SVIL: variants seen among roughly 807,000 people sequenced by gnomAD.
SVIL encodes archvillin.
A neutral mutation model predicts 240.4 loss-of-function variants in SVIL; 101 were observed. The ratio of observed to expected loss-of-function variants is 0.42; its 90% CI spans 0.36 to 0.50. The LOEUF (loss-of-function observed/expected upper bound fraction) is 0.50. Among genes scored for constraint, SVIL ranks in the 20% least tolerant of loss-of-function variants. SVIL has a pLI of 0.01. For missense variants in SVIL, 2,512 were observed against 2,818.7 expected, an observed-to-expected ratio of 0.89 and a Z score of 2.46; for synonymous variants, 999 against 1,100.0, an observed-to-expected ratio of 0.91 and a Z score of 1.82.
At chr10:29,491,632 T>C (rs532757882) in intron 21 of SVIL, among the ~76,000 whole-genome samples, 9 of 152,220 alleles carry the variant, frequency 5.9e-5, no homozygotes, top group East Asian at 5.8e-4. Context: ...ATTCTCACAA[T>C]TCTTTGGGGT....
At chr10:29,472,789 G>C (rs900929879) in intron 30 of SVIL, among the ~76,000 whole-genome samples, 4 of 152,180 alleles carry the variant, frequency 2.6e-5, no homozygotes, top group African/African-American at 9.7e-5. Context: ...AAGGCCATGG[G>C]GTTGTAAGGC....
chr10:29,662,232 C>T (rs1019391365), intron 2 of SVIL, among the ~76,000 whole-genome samples: 1 of 152,296 alleles, frequency 6.6e-6, no homozygotes, highest in Middle Eastern at 3.4e-3. Context: ...ACAAATCTTT[C>T]AGGATTCAGC....
intron 1 of SVIL, among the ~76,000 whole-genome samples, chr10:29,617,058 T>C (rs1465158702): frequency 6.6e-6 from 1 of 151,984 alleles, no homozygotes; most frequent in East Asian, 1.9e-4. Flanking sequence ...TGGAGATGAG[T>C]CTGCACAAAC....
At chr10:29,463,383 A>T in intron 35 of SVIL, 109 bp downstream of exon 35, 10 of 1,381,226 alleles carry the variant, frequency 7.2e-6, no homozygotes, top group Non-Finnish European at 8.6e-6. Flanking sequence ...GGCTTTATGG[A>T]TGGATGCTGG....
intron 1 of SVIL, among the ~76,000 whole-genome samples, chr10:29,584,389 A>G (rs1443008423): frequency 6.6e-6 from 1 of 152,214 alleles, no homozygotes; most frequent in Non-Finnish European, 1.5e-5. Flanking sequence ...CTTATCTATG[A>G]GGAACATCTG....
intron 1 of SVIL, among the ~76,000 whole-genome samples, chr10:29,718,688 CTTT>C (rs1000471784): frequency 2.6e-5 from 4 of 152,236 alleles, no homozygotes; most frequent in African/African-American, 9.6e-5. Flanking sequence ...AGAGATTTAT[CTTT>C]GAGTAGTCAG....
chr10:29,541,555 T>C (rs879427454), intron 6 of SVIL, among the ~76,000 whole-genome samples: 3 of 152,190 alleles, frequency 2.0e-5, no homozygotes, highest in Non-Finnish European at 4.4e-5. Context: ...GATAACCAAT[T>C]TCTTCCAGTC....
At chr10:29,496,545 C>T (rs1359402782) in intron 18 of SVIL, 2 of 374,960 alleles carry the variant, frequency 5.3e-6, no homozygotes, top group African/African-American at 2.1e-5. Flanking sequence ...GCCGGGCAAA[C>T]CCCGCTGCCA....
chr10:29,501,342 G>A (rs1948877702), intron 17 of SVIL, among the ~76,000 whole-genome samples: 1 of 151,128 alleles, frequency 6.6e-6, no homozygotes. Context: ...TTTGACTTTA[G>A]GAAATAAAGT....
chr10:29,551,246 C>T lies in SVIL; in HGVS notation c.178G>A (p.Glu60Lys), dbSNP rs1953302183. ...SPHIGRSNEEEETSDSSLEKQ... is the reference protein window; with the variant it reads ...SPHIGRSNEEKETSDSSLEKQ... ...TCTAGAGAAGAATCAGAAGTTTCCT[C>T]CTCTTCATTTGATCGGCCTACAAGA... The change falls in exon 6 of 38, where the codon GAG becomes AAG. Residue 60 changes from glutamate (E) to lysine (K), a missense_variant. By Grantham distance (56) the Glu-to-Lys change is moderately conservative. Around this residue, in one of 3 missense-constraint regions of SVIL, gnomAD observed 1,443 missense variants for 1,486.6 expected, o/e 0.97. Coordinates refer to ENST00000355867, the MANE Select transcript of SVIL (RefSeq NM_021738.3). 1 of 1,598,874 alleles carries T rather than the reference C, an allele frequency of 6.3e-7. No homozygotes were observed. The highest frequency in any genetic ancestry group is 8.5e-7 in the Non-Finnish European group (1 of 1,173,508).
At chr10:29,478,330 G>A (rs561095584) in intron 29 of SVIL, among the ~76,000 whole-genome samples, 2 of 152,338 alleles carry the variant, frequency 1.3e-5, no homozygotes, top group East Asian at 3.9e-4. Flanking sequence ...GTTAAAAACA[G>A]TAATTACGCT....
chr10:29,680,052 G>T (rs1401244328), intron 2 of SVIL, among the ~76,000 whole-genome samples: 1 of 152,084 alleles, frequency 6.6e-6, no homozygotes. Flanking sequence ...CGGCATAGTT[G>T]CATGTGCCTG....
chr10:29,595,720 C>T (rs1956557325), intron 1 of SVIL, among the ~76,000 whole-genome samples: 3 of 152,148 alleles, frequency 2.0e-5, no homozygotes, highest in Non-Finnish European at 2.9e-5. Flanking sequence ...AGGCCCATAT[C>T]GTCCAAGCAG....
At chr10:29,726,552 G>C (rs1338382541) in intron 1 of SVIL, among the ~76,000 whole-genome samples, 1 of 151,930 alleles carries the variant, frequency 6.6e-6, no homozygotes, top group African/African-American at 2.4e-5. Flanking sequence ...TTCGAGACCA[G>C]ACTGGCCAAC....
At chr10:29,722,751 T>G (rs1033834868) in intron 1 of SVIL, among the ~76,000 whole-genome samples, 3 of 152,220 alleles carry the variant, frequency 2.0e-5, no homozygotes, top group Non-Finnish European at 4.4e-5. Flanking sequence ...GACAGTTTTG[T>G]TCTTAAAATT....
At position 29,470,463 on chromosome 10, in the gene SVIL, C is replaced by A; in HGVS notation, c.5656G>T (p.Val1886Leu). The A allele has an allele frequency of 6.2e-7, 1 of 1,613,786 alleles. No individual in the cohort carries two copies. Among genetic ancestry groups the A allele is most frequent in the Non-Finnish European group, 8.5e-7 (1 of 1,180,022 alleles). Residue 1886 changes from valine (V) to leucine (L), a missense_variant, in exon 32 of 38, where the codon GTG (valine) becomes TTG (leucine). Physicochemically the swap from Val to Leu is conservative, Grantham distance 32. Around this residue, in one of 3 missense-constraint regions of SVIL, gnomAD observed 797 missense variants for 925.3 expected, o/e 0.86. Transcript: ENST00000355867. ...NVQSEWRLYCVRGEVPVEGNL... is the reference protein window; with the variant it reads ...NVQSEWRLYCLRGEVPVEGNL... ...CCTTCCACGGGCACCTCTCCACGCACGCAGTACAGCCGCCACTCACCTGCA... is the reference window on the plus strand; with the variant it reads ...CCTTCCACGGGCACCTCTCCACGCAAGCAGTACAGCCGCCACTCACCTGCA...
chr10:29,541,249 C>T (rs777325117), intron 6 of SVIL, among the ~76,000 whole-genome samples: 1 of 152,150 alleles, frequency 6.6e-6, no homozygotes. Context: ...CTTTATACAA[C>T]ATAATGAGTT....
At chr10:29,532,443 C>T (rs1772799403) in intron 8 of SVIL, 86 bp downstream of exon 8, 1 of 1,504,078 alleles carries the variant, frequency 6.6e-7, no homozygotes, top group South Asian at 1.4e-5. Context: ...TGATTCAATG[C>T]AGAACACAAC....
chr10:29,523,365 T>C lies in SVIL; in HGVS notation c.3163+86A>G, dbSNP rs1950686197. ...GCTGTAAACTGCCTATAGAACTTTG[T>C]TAAAAGCCATCATAGACACAGGACA... is the stretch of plus-strand genomic sequence containing the variant. On this transcript the variant is annotated intron_variant, in intron 15 of 37. Transcript: ENST00000355867. 3.1e-6 allele frequency: 4 copies of C among 1,309,354 alleles called. No individual in the cohort carries two copies. The African/African-American group carries it at 4.5e-5, about 15-fold the overall frequency. 81.1% of individuals were successfully genotyped at this position (1,309,354 alleles called of 1,614,324 possible).
Sources: gnomAD v4.1 joint callset for allele counts (sites outside exome capture counted in the v4.1 genomes callset) on GRCh38, gnomAD v4.1.1 for gene constraint, gnomAD v4.1.1 regional missense constraint, MANE v1.5 for transcripts, NCBI Gene and HGNC (gene_info 2026-07-23, HGNC 2026-07-21) for gene names.